CNOT4: variants seen among roughly 807,000 people sequenced by gnomAD.
The protein encoded by CNOT4 is CCR4-associated factor 4.
A neutral mutation model predicts 73.8 loss-of-function variants in CNOT4; 8 were observed. The observed-to-expected ratio is 0.11, with a 90% CI of 0.06 to 0.20. The LOEUF (loss-of-function observed/expected upper bound fraction) is 0.20, where lower values mean the gene tolerates loss of function less well. CNOT4 is among the 10% of genes least tolerant of loss of function. CNOT4 has a pLI of 1.00. For synonymous variants in CNOT4, 293 were observed against 321.1 expected (o/e 0.91, Z 0.94); for missense variants, 564 against 883.4 (o/e 0.64, Z 4.58).
At chr7:135,426,329 A>G (rs933365097) in intron 2 of CNOT4, among the ~76,000 whole-genome samples, 8 of 152,012 alleles carry the variant, frequency 5.3e-5, no homozygotes, top group South Asian at 2.1e-4. Context: ...AAGGCTGGGC[A>G]CGGTGGCTCA....
intron 1 of CNOT4, among the ~76,000 whole-genome samples, chr7:135,455,162 T>C (rs946992808): frequency 2.0e-5 from 3 of 151,518 alleles, no homozygotes; most frequent in Admixed American, 2.0e-4. Flanking sequence ...TAGTCCCAGC[T>C]ACTTGGGAGG....
intron 1 of CNOT4, among the ~76,000 whole-genome samples, chr7:135,478,233 C>T (rs527575983): frequency 6.6e-6 from 1 of 152,218 alleles, no homozygotes; most frequent in East Asian, 1.9e-4. Context: ...AGGTATCACT[C>T]TTAATTTTTA....
chr7:135,484,274 G>A (rs1283622304), intron 1 of CNOT4, among the ~76,000 whole-genome samples: 1 of 152,002 alleles, frequency 6.6e-6, no homozygotes, highest in Non-Finnish European at 1.5e-5. Context: ...AAGATTGGCT[G>A]TTCTCACCAA....
In CNOT4 at chr7:135,453,270, A is replaced by T. The variant is rs533032220; in HGVS notation, c.-92-14847T>A. On this transcript the variant is annotated intron_variant, in intron 1 of 11. Coordinates refer to ENST00000541284, the MANE Select transcript of CNOT4 (RefSeq NM_001190850.2). ...AAACTGAAAATGAAGTGCAAGACCCAGTCTTAGCCAGTGAATTTTTTTTTA... is the reference window on the plus strand; with the variant it reads ...AAACTGAAAATGAAGTGCAAGACCCTGTCTTAGCCAGTGAATTTTTTTTTA... 5.3e-5 allele frequency among the ~76,000 whole-genome samples: 8 copies of T among 152,212 alleles called. No homozygotes were observed. In the South Asian group the frequency reaches 1.4e-3, roughly 28 times the overall value.
intron 3 of CNOT4, among the ~76,000 whole-genome samples, chr7:135,415,904 A>T (rs1797848937): frequency 6.6e-6 from 1 of 151,832 alleles, no homozygotes; most frequent in African/African-American, 2.4e-5. Context: ...TTCGGAAACA[A>T]ATTTACACGT....
intron 10 of CNOT4, among the ~76,000 whole-genome samples, chr7:135,380,852 G>T (rs926333456): frequency 1.3e-5 from 2 of 152,176 alleles, no homozygotes; most frequent in Non-Finnish European, 2.9e-5. Context: ...GATTGTTAAA[G>T]ACTATGTTAT....
intron 1 of CNOT4, among the ~76,000 whole-genome samples, chr7:135,497,881 T>C (rs1563084902): frequency 6.6e-6 from 1 of 152,248 alleles, no homozygotes; most frequent in Non-Finnish European, 1.5e-5. Flanking sequence ...ACTTAGACAT[T>C]GTTTTACAAG....
At chr7:135,426,331 G>A (rs886411083) in intron 2 of CNOT4, among the ~76,000 whole-genome samples, 1 of 152,088 alleles carries the variant, frequency 6.6e-6, no homozygotes, top group African/African-American at 2.4e-5. Flanking sequence ...GGCTGGGCAC[G>A]GTGGCTCACG....
rs112671957 is a variant in CNOT4 at position 135,483,893 on chromosome 7, A to G, written c.-93+25996T>C. On this transcript the variant is annotated intron_variant, in intron 1 of 11. Transcript: ENST00000541284. ...CTCAACTTGGCAAAGAACATCTACA[A>G]AAAAACCTATAGCTAGGCCAGGCGT... Among the ~76,000 whole-genome samples the G allele has an allele frequency of 8.5e-3, 1,301 of 152,250 alleles. 19 individuals are homozygous for G. The highest frequency in any genetic ancestry group is 0.03 in the African/African-American group (1,231 of 41,560).
intron 1 of CNOT4, among the ~76,000 whole-genome samples, chr7:135,487,838 G>A (rs1294692345): frequency 6.6e-6 from 1 of 152,166 alleles, no homozygotes; most frequent in Non-Finnish European, 1.5e-5. Flanking sequence ...CGGATCACGA[G>A]GTCAGGAGAT....
intron 1 of CNOT4, among the ~76,000 whole-genome samples, chr7:135,439,165 T>C (rs1187871518): frequency 6.6e-6 from 1 of 152,172 alleles, no homozygotes; most frequent in Non-Finnish European, 1.5e-5. Flanking sequence ...TATCTTAGGC[T>C]AAAGCCACTG....
chr7:135,474,607 A>G (rs1801877131), intron 1 of CNOT4, among the ~76,000 whole-genome samples: 1 of 152,156 alleles, frequency 6.6e-6, no homozygotes, highest in Non-Finnish European at 1.5e-5. Flanking sequence ...ACACTAGTGC[A>G]GTGCATAGTA....
At chr7:135,390,922 C>T (rs1334609811) in intron 10 of CNOT4, among the ~76,000 whole-genome samples, 3 of 151,914 alleles carry the variant, frequency 2.0e-5, no homozygotes, top group Non-Finnish European at 2.9e-5. Context: ...GTAGCAGGTC[C>T]CACTGAAACA....
chr7:135,388,653 C>T (rs761630840), intron 10 of CNOT4: 13 of 1,320,962 alleles, frequency 9.8e-6, no homozygotes, highest in Admixed American at 6.3e-5. Context: ...TGAGGTAACA[C>T]GCTAGCTGTA....
At chr7:135,415,100 CAA>C in intron 4 of CNOT4, 74 bp downstream of exon 4, 1 of 846,232 alleles carries the variant, frequency 1.2e-6, no homozygotes, top group South Asian at 1.5e-5. Context: ...TCAGAGAGAG[CAA>C]AGTTTCCTTT....
chr7:135,425,133 A>T (rs1441737994), intron 2 of CNOT4, among the ~76,000 whole-genome samples: 1 of 152,238 alleles, frequency 6.6e-6, no homozygotes, highest in Non-Finnish European at 1.5e-5. Context: ...AGCACTCTAT[A>T]TCAGTCCTCA....
At chr7:135,449,592 A>T (rs1800041729) in intron 1 of CNOT4, among the ~76,000 whole-genome samples, 1 of 152,238 alleles carries the variant, frequency 6.6e-6, no homozygotes, top group East Asian at 1.9e-4. Flanking sequence ...TGGAATAATT[A>T]GAGTAACAGC....
At chr7:135,420,744 T>C (rs1489756789) in intron 3 of CNOT4, among the ~76,000 whole-genome samples, 4 of 151,592 alleles carry the variant, frequency 2.6e-5, no homozygotes, top group African/African-American at 9.7e-5. Flanking sequence ...AAGATGGAGA[T>C]AAAAGGATTA....
At chr7:135,380,084 CT>C (rs1408143296) in intron 10 of CNOT4, among the ~76,000 whole-genome samples, 2 of 152,030 alleles carry the variant, frequency 1.3e-5, no homozygotes, top group African/African-American at 2.4e-5. Flanking sequence ...GGAGCTCTCC[CT>C]GTTTCCTTAT....
Sources: allele counts gnomAD v4.1 joint callset (sites outside exome capture counted in the v4.1 genomes callset), GRCh38; gene constraint gnomAD v4.1.1; transcripts MANE v1.5; gene names NCBI Gene and HGNC (gene_info 2026-07-23, HGNC 2026-07-21).